The following BID variants were observed in gnomAD, a reference collection of about 807,000 sequenced individuals.
The protein encoded by BID is BH3 interacting domain death agonist, also known as BH3-interacting domain death agonist.
In BID, 19 loss-of-function variants were observed where a neutral mutation model predicts 17.4. The observed-to-expected ratio is 1.09, with a 90% CI of 0.76 to 1.60. BID has a LOEUF of 1.60. Among genes scored for constraint, BID ranks in the 40% most tolerant of loss-of-function variants. The pLI, the probability that BID is intolerant of heterozygous loss-of-function variation, is 0.00. For synonymous variants in BID, 108 were observed against 102.8 expected, an observed-to-expected ratio of 1.05 and a Z score of -0.31; for missense variants, 226 against 256.0, an observed-to-expected ratio of 0.88 and a Z score of 0.80.
At chr22:17,748,076 G>T (rs1601848084) in intron 2 of BID, among the ~76,000 whole-genome samples, 1 of 150,698 alleles carries the variant, frequency 6.6e-6, no homozygotes, top group Non-Finnish European at 1.5e-5. Context: ...GGGCGTGGTG[G>T]TGGGCGCCTG....
At chr22:17,774,481 C>A, upstream of BID, 2 of 277,512 alleles carry the variant, frequency 7.2e-6, no homozygotes, top group Admixed American at 3.4e-5. Context: ...TGGCGCCCCG[C>A]GCGCTTCCTC....
At chr22:17,738,673 A>G (rs908253543) in intron 4 of BID, among the ~76,000 whole-genome samples, 1 of 152,090 alleles carries the variant, frequency 6.6e-6, no homozygotes, top group Non-Finnish European at 1.5e-5. Flanking sequence ...GCAGAGTTAC[A>G]TGGGAGTGCG....
At chr22:17,762,318 G>A (rs1397285066) in intron 1 of BID, among the ~76,000 whole-genome samples, 2 of 152,138 alleles carry the variant, frequency 1.3e-5, no homozygotes, top group African/African-American at 2.4e-5. Context: ...CCAATATGGT[G>A]AAATCCCGTC....
At chr22:17,757,725 GA>G (rs1371909783) in intron 1 of BID, among the ~76,000 whole-genome samples, 1 of 141,604 alleles carries the variant, frequency 7.1e-6, no homozygotes, top group African/African-American at 2.9e-5. Context: ...AAAAAAAAAA[GA>G]AAAAAAGAAA....
At chr22:17,739,944 C>T in intron 3 of BID, 2 of 904,816 alleles carry the variant, frequency 2.2e-6, no homozygotes, top group Non-Finnish European at 1.7e-6. Flanking sequence ...GCAGTCCCGT[C>T]TCAGGAAAAC....
At chr22:17,750,505 G>T (rs951540753) in intron 1 of BID, among the ~76,000 whole-genome samples, 1 of 151,340 alleles carries the variant, frequency 6.6e-6, no homozygotes. Context: ...AATGTTTATA[G>T]AGAGAGAGAA....
intron 2 of BID, among the ~76,000 whole-genome samples, chr22:17,749,612 T>C (rs1030453185): frequency 5.3e-5 from 8 of 152,378 alleles, no homozygotes; most frequent in East Asian, 3.9e-4. Context: ...GTAAGTATTG[T>C]CTTGCTTTTA....
At chr22:17,760,493 A>G (rs939611963) in intron 1 of BID, among the ~76,000 whole-genome samples, 6 of 150,578 alleles carry the variant, frequency 4.0e-5, no homozygotes, top group Non-Finnish European at 7.4e-5. Flanking sequence ...ATATCCATCT[A>G]CCAGAGCAGA....
At chr22:17,746,813 C>T (rs566151018) in intron 2 of BID, among the ~76,000 whole-genome samples, 11 of 152,246 alleles carry the variant, frequency 7.2e-5, no homozygotes, top group Non-Finnish European at 7.4e-5. Context: ...CAGAAGGAAG[C>T]AGCCGGGCAA....
At chr22:17,749,694 T>C (rs2061522262) in intron 2 of BID, among the ~76,000 whole-genome samples, 1 of 152,220 alleles carries the variant, frequency 6.6e-6, no homozygotes, top group African/African-American at 2.4e-5. Flanking sequence ...TCGTGTTTGT[T>C]TGGACAGGGC....
chr22:17,739,106 T>C (rs1185091916), intron 4 of BID, among the ~76,000 whole-genome samples: 3 of 152,274 alleles, frequency 2.0e-5, no homozygotes, highest in Non-Finnish European at 4.4e-5. Context: ...GTTCATCTTT[T>C]AGAGGCTTTT....
Position 17,735,566 on chromosome 22 carries a change from C to A in BID, c.*14G>T, listed in dbSNP as rs1204097546. 6.2e-7 allele frequency: 1 copy of A among 1,614,060 alleles called. No homozygotes were observed. Among genetic ancestry groups the A allele is most frequent in the African/African-American group, 1.3e-5 (1 of 74,928 alleles). On this transcript the variant is annotated 3_prime_UTR_variant, in exon 6 of 6. Coordinates refer to ENST00000622694, the MANE Select transcript of BID (RefSeq NM_001196.4). ...CATCGAGCTTTAGCCAGTCACACTT[C>A]TGGAACTGTCCGTTCAGTCCATCCC... is the stretch of plus-strand genomic sequence containing the variant.
chr22:17,742,588 C>T (rs2061468264), intron 3 of BID, among the ~76,000 whole-genome samples: 1 of 151,562 alleles, frequency 6.6e-6, no homozygotes, highest in Non-Finnish European at 1.5e-5. Flanking sequence ...TTGGTCTCCC[C>T]CACAGCCACC....
At chr22:17,751,844 G>A (rs985493699) in intron 1 of BID, among the ~76,000 whole-genome samples, 1 of 152,170 alleles carries the variant, frequency 6.6e-6, no homozygotes, top group Non-Finnish European at 1.5e-5. Flanking sequence ...ATCTGGCTCC[G>A]GGGCCATCTG....
intron 1 of BID, among the ~76,000 whole-genome samples, chr22:17,755,891 G>A (rs1352693656): frequency 1.3e-5 from 2 of 151,936 alleles, no homozygotes; most frequent in Non-Finnish European, 2.9e-5. Context: ...TTTCTGAGAC[G>A]GAGTCTCACT....
At chr22:17,740,174 C>T (rs770114202) in intron 3 of BID, 2 of 1,611,596 alleles carry the variant, frequency 1.2e-6, no homozygotes, top group East Asian at 4.5e-5. Flanking sequence ...TTGTCTGACG[C>T]CCCTGCCAGA....
chr22:17,761,610 T>G (rs573100069), intron 1 of BID, among the ~76,000 whole-genome samples: 2 of 152,190 alleles, frequency 1.3e-5, no homozygotes, highest in South Asian at 4.1e-4. Flanking sequence ...TTTTTGTATT[T>G]TTAGTGGAGA....
At chr22:17,741,982 C>T (rs1387431436) in intron 3 of BID, among the ~76,000 whole-genome samples, 3 of 152,204 alleles carry the variant, frequency 2.0e-5, no homozygotes, top group East Asian at 1.9e-4. Flanking sequence ...GTGCCTCGCT[C>T]GTTCCCGAAG....
intron 1 of BID, among the ~76,000 whole-genome samples, chr22:17,763,435 G>T (rs2061655756): frequency 6.6e-6 from 1 of 152,004 alleles, no homozygotes; most frequent in Admixed American, 6.6e-5. Context: ...GTAGAGACCG[G>T]GTTCCTCCGT....
Sources: allele counts gnomAD v4.1 joint callset (sites outside exome capture counted in the v4.1 genomes callset), GRCh38; gene constraint gnomAD v4.1.1; transcripts MANE v1.5; gene names NCBI Gene and HGNC (gene_info 2026-07-23, HGNC 2026-07-21).